The following EXT1 variants were observed in gnomAD, a reference collection of about 807,000 sequenced individuals.
EXT1 encodes exostosin-1.
Under a neutral mutation model 82.5 loss-of-function variants are expected in EXT1, and 20 were observed. That is an observed-to-expected ratio of 0.24 (90% CI 0.17 to 0.35). EXT1 has a LOEUF of 0.35. Among genes scored for constraint, EXT1 ranks in the 10% least tolerant of loss-of-function variants. EXT1 has a pLI of 1.00. For missense variants in EXT1, 757 were observed against 936.5 expected, an observed-to-expected ratio of 0.81 and a Z score of 2.50; for synonymous variants, 348 against 350.8, an observed-to-expected ratio of 0.99 and a Z score of 0.09.
At chr8:118,065,361 T>C (rs1217421608) in intron 1 of EXT1, among the ~76,000 whole-genome samples, 1 of 152,130 alleles carries the variant, frequency 6.6e-6, no homozygotes. Flanking sequence ...AACAAACAGA[T>C]AACATTTCAG....
rs373605401 is a variant in EXT1, at chr8:117,822,704, C to T, written c.1285-107G>A. On this transcript the variant is annotated intron_variant, in intron 4 of 10. Transcript: ENST00000378204. ...GATGGTGGCAGTCAGAGTAGTGACT[C>T]TACCCTCCCTCCCACTTTAATTCTC... 104 of 1,193,010 alleles carry T rather than the reference C, an allele frequency of 8.7e-5. No homozygotes were observed. In the African/African-American group the frequency reaches 1.2e-3, roughly 13 times the overall value. The allele number at this position is 1,193,010 out of a possible 1,614,324, so 73.9% of individuals were successfully genotyped here.
chr8:117,973,926 AAAGCAAGG>A (rs1311298181), intron 1 of EXT1, among the ~76,000 whole-genome samples: 1 of 71,646 alleles, frequency 1.4e-5, no homozygotes, highest in Non-Finnish European at 2.8e-5. Context: ...AGAAAGGCAG[AAAGCAAGG>A]AAGGAAGGAA....
At chr8:117,968,553 A>ATTTTTTTTTTTTTTT (rs1182180428) in intron 1 of EXT1, among the ~76,000 whole-genome samples, 9 of 9,300 alleles carry the variant, frequency 9.7e-4, no homozygotes, top group African/African-American at 1.7e-3. Flanking sequence ...TTATTTATTT[A>ATTTTTTTTTTTTTTT]TTTTTTTTTT....
chr8:118,001,561 C>T (rs2129811182), intron 1 of EXT1, among the ~76,000 whole-genome samples: 1 of 151,910 alleles, frequency 6.6e-6, no homozygotes, highest in South Asian at 2.1e-4. Context: ...CTCTGCTTTA[C>T]TGACATAAAA....
At chr8:117,872,825 A>G (rs548091190) in intron 1 of EXT1, among the ~76,000 whole-genome samples, 2,110 of 135,318 alleles carry the variant, frequency 0.016, 47 homozygotes, top group African/African-American at 0.053. Context: ...TGAAGCAGAG[A>G]AAAAAAAAAA....
In EXT1 at chr8:117,849,694, T is replaced by C. The variant is rs760541339; in HGVS notation, c.963-12493A>G. Reference sequence around the variant, plus strand: ...GAAGAAATTTCTTAAAGAACATCTTTAGAGATGTTTATGTAAAGTGATACA... The same window carrying C: ...GAAGAAATTTCTTAAAGAACATCTTCAGAGATGTTTATGTAAAGTGATACA... On this transcript the variant is annotated intron_variant, in intron 1 of 10. Transcript: ENST00000378204. Among the ~76,000 whole-genome samples, 18 of 152,236 alleles carry C rather than the reference T, an allele frequency of 1.2e-4. 1 individual carries two copies. The highest frequency in any genetic ancestry group is 4.4e-5 in the Non-Finnish European group (3 of 68,046).
At chr8:118,028,186 A>G (rs954073825) in intron 1 of EXT1, among the ~76,000 whole-genome samples, 21 of 152,312 alleles carry the variant, frequency 1.4e-4, no homozygotes, top group African/African-American at 5.1e-4. Flanking sequence ...GAAAGTGCCC[A>G]TGCCTGGACG....
intron 1 of EXT1, among the ~76,000 whole-genome samples, chr8:118,053,976 G>C (rs1311831325): frequency 6.6e-6 from 1 of 152,164 alleles, no homozygotes; most frequent in Admixed American, 6.5e-5. Flanking sequence ...GCAGTCAGGA[G>C]ATATTTTTGA....
At chr8:117,972,621 C>T (rs754844630) in intron 1 of EXT1, among the ~76,000 whole-genome samples, 1 of 152,098 alleles carries the variant, frequency 6.6e-6, no homozygotes, top group Non-Finnish European at 1.5e-5. Context: ...AGTTTTGATA[C>T]GTGTATTAGT....
chr8:117,987,095 G>A (rs1450688245), intron 1 of EXT1, among the ~76,000 whole-genome samples: 1 of 152,148 alleles, frequency 6.6e-6, no homozygotes, highest in Non-Finnish European at 1.5e-5. Flanking sequence ...ACTTATGGTC[G>A]AAAATTTCTC....
chr8:117,877,700 G>A (rs189116327), intron 1 of EXT1, among the ~76,000 whole-genome samples: 8 of 152,212 alleles, frequency 5.3e-5, no homozygotes, highest in Admixed American at 1.3e-4. Flanking sequence ...AGCCCCTCCC[G>A]CTTAAATCAA....
chr8:117,816,950 T>C (rs1420485705), intron 7 of EXT1, among the ~76,000 whole-genome samples: 2 of 152,118 alleles, frequency 1.3e-5, no homozygotes, highest in East Asian at 3.9e-4. Flanking sequence ...GCTTCAGGCA[T>C]TGGAATTGGA....
At chr8:117,830,108 A>T in intron 4 of EXT1, 122 bp downstream of exon 4, 1 of 1,255,536 alleles carries the variant, frequency 8.0e-7, no homozygotes, top group Non-Finnish European at 1.2e-6. Flanking sequence ...AATATATCCA[A>T]GTACAGGAAT....
chr8:118,037,243 C>G (rs1469050689), intron 1 of EXT1, among the ~76,000 whole-genome samples: 2 of 152,160 alleles, frequency 1.3e-5, no homozygotes, highest in Non-Finnish European at 2.9e-5. Context: ...CAACATTTAT[C>G]TGTATGCATT....
intron 5 of EXT1, 89 bp downstream of exon 5, chr8:117,822,376 C>A: frequency 7.0e-7 from 1 of 1,425,282 alleles, no homozygotes; most frequent in Non-Finnish European, 9.8e-7. Flanking sequence ...GTTAGATGGA[C>A]CCCATTAGAG....
intron 1 of EXT1, among the ~76,000 whole-genome samples, chr8:117,908,369 C>T (rs1210817692): frequency 6.6e-6 from 1 of 152,190 alleles, no homozygotes; most frequent in African/African-American, 2.4e-5. Context: ...GTGTCTCATG[C>T]CTGTAATCAC....
At chr8:118,039,952 T>C (rs1307893361) in intron 1 of EXT1, among the ~76,000 whole-genome samples, 1 of 152,190 alleles carries the variant, frequency 6.6e-6, no homozygotes, top group African/African-American at 2.4e-5. Context: ...AGTGTGGCTA[T>C]GATTCAAAAA....
chr8:117,924,112 A>C (rs1159105096), intron 1 of EXT1, among the ~76,000 whole-genome samples: 1 of 152,210 alleles, frequency 6.6e-6, no homozygotes, highest in Non-Finnish European at 1.5e-5. Flanking sequence ...CTGAATCACA[A>C]TCTGCATTTT....
intron 1 of EXT1, among the ~76,000 whole-genome samples, chr8:118,097,183 C>T (rs1017804575): frequency 2.6e-5 from 4 of 152,212 alleles, no homozygotes. Flanking sequence ...CAGCGGCTCA[C>T]GCCTGTAATC....
Sources: allele counts gnomAD v4.1 joint callset (sites outside exome capture counted in the v4.1 genomes callset), GRCh38; gene constraint gnomAD v4.1.1; transcripts MANE v1.5; gene names NCBI Gene and HGNC (gene_info 2026-07-23, HGNC 2026-07-21).